ESYT3: variants seen among roughly 807,000 people sequenced by gnomAD.
ESYT3 encodes extended synaptotagmin 3, also known as extended synaptotagmin-3.
A neutral mutation model predicts 111.5 loss-of-function variants in ESYT3; 101 were observed. The ratio of observed to expected loss-of-function variants is 0.91; its 90% confidence interval spans 0.77 to 1.07. ESYT3 has a LOEUF of 1.07. ESYT3 is among the 50% of genes least tolerant of loss of function. ESYT3 has a pLI of 0.00. For synonymous variants in ESYT3, 416 were observed against 446.8 expected (o/e 0.93, Z 0.87); for missense variants, 1,097 against 1,109.4 (o/e 0.99, Z 0.16).
intron 2 of ESYT3, among the ~76,000 whole-genome samples, chr3:138,454,363 C>T (rs2032135766): frequency 2.6e-5 from 4 of 151,964 alleles, no homozygotes; most frequent in Admixed American, 2.6e-4. Context: ...CATGGTGAAA[C>T]CCTGTCTCTA....
intron 1 of ESYT3, among the ~76,000 whole-genome samples, chr3:138,450,313 C>T (rs769630120): frequency 1.3e-5 from 2 of 152,140 alleles, no homozygotes; most frequent in Non-Finnish European, 2.9e-5. Context: ...TCTTGCCTTC[C>T]ATTTGCCTGG....
chr3:138,446,573 GGTT>G (rs1217037796), intron 1 of ESYT3, among the ~76,000 whole-genome samples: 1 of 152,164 alleles, frequency 6.6e-6, no homozygotes, highest in Non-Finnish European at 1.5e-5. Context: ...AGACAAAGAA[GGTT>G]GTTATATGCT....
chr3:138,453,929 C>T (rs994823617), intron 2 of ESYT3, among the ~76,000 whole-genome samples: 2 of 152,222 alleles, frequency 1.3e-5, no homozygotes, highest in African/African-American at 2.4e-5. Flanking sequence ...TGAAACGATC[C>T]TCCTGCCTCA....
In ESYT3 at chr3:138,434,695, G is replaced by T; in HGVS notation, c.-104G>T. 9.5e-7 allele frequency: 1 copy of T among 1,054,614 alleles called. No individual in the cohort carries two copies. Among genetic ancestry groups the T allele is most frequent in the Non-Finnish European group, 1.3e-6 (1 of 758,922 alleles). The allele number at this position is 1,054,614 out of a possible 1,614,324, so 65.3% of individuals were successfully genotyped here. ...AGTCCCAGCAGGGCAAGGGGGCGCG[G>T]CGTCCTGGTCCTCGAGCTTGGGAGA... On this transcript the variant is annotated 5_prime_UTR_variant, in exon 1 of 23. Coordinates refer to ENST00000389567, the MANE Select transcript of ESYT3 (RefSeq NM_031913.5).
chr3:138,444,218 C>T (rs1017431314), intron 1 of ESYT3, among the ~76,000 whole-genome samples: 4 of 152,172 alleles, frequency 2.6e-5, no homozygotes, highest in Non-Finnish European at 4.4e-5. Context: ...TGGAATGCGT[C>T]GGCTCAAGTA....
At chr3:138,464,878 A>C (rs1463545633) in intron 9 of ESYT3, among the ~76,000 whole-genome samples, 1 of 152,190 alleles carries the variant, frequency 6.6e-6, no homozygotes, top group African/African-American at 2.4e-5. Context: ...GGTGGGACCC[A>C]CAGCCTGTTA....
Position 138,473,170 on chromosome 3 carries a change from AATGGCTGT to A in ESYT3, c.2237+312_2237+319del, listed in dbSNP as rs1224457409. Reference sequence around the variant, plus strand: ...GCTTAATATGTAGAATTATGTAATAAATGGCTGTCATTTATGAAGGGTTTACTATGGGC... The same window carrying A: ...GCTTAATATGTAGAATTATGTAATAACATTTATGAAGGGTTTACTATGGGC... On this transcript the variant is annotated intron_variant, in intron 18 of 22. Transcript: ENST00000389567. 4 of 1,268,860 alleles carry A rather than the reference AATGGCTGT, an allele frequency of 3.2e-6. No homozygotes were observed. The African/African-American group carries it at 4.5e-5, about 14-fold the overall frequency. 78.6% of individuals were successfully genotyped at this position (1,268,860 alleles called of 1,614,324 possible).
At chr3:138,451,259 A>T (rs550899450) in intron 1 of ESYT3, among the ~76,000 whole-genome samples, 1 of 152,236 alleles carries the variant, frequency 6.6e-6, no homozygotes, top group East Asian at 1.9e-4. Flanking sequence ...GTTGGAAGCT[A>T]TGTGACTATA....
chr3:138,474,483 T>G, intron 20 of ESYT3, 131 bp downstream of exon 20: 1 of 1,019,318 alleles, frequency 9.8e-7, no homozygotes, highest in Non-Finnish European at 1.4e-6. Context: ...AGTCTATGAC[T>G]TCATGAAGCT....
intron 1 of ESYT3, among the ~76,000 whole-genome samples, chr3:138,443,626 G>A (rs960402712): frequency 3.3e-5 from 5 of 152,152 alleles, no homozygotes; most frequent in Admixed American, 2.0e-4. Flanking sequence ...GAGCCATGAG[G>A]CTAATTTTAG....
At position 138,472,505 on chromosome 3, in the gene ESYT3, C is replaced by T. The variant is rs139504758; in HGVS notation, c.1883C>T (p.Pro628Leu). 24,269 of 1,614,208 alleles carry T rather than the reference C, an allele frequency of 0.015. 242 individuals are homozygous for T. The highest frequency in any genetic ancestry group is 0.018 in the Non-Finnish European group (21,255 of 1,180,034). The stretch of plus-strand genomic sequence containing the variant: ...CAGGAAGAAGGCCCTACAGATTTGC[C>T]ATGTCCCCCAGACCCTGCTTCTGAT... ...QPQEEGPTDL[P>L]CPPDPASDTK... The change falls in exon 18 of 23, where the codon CCA (proline) becomes CTA (leucine). Residue 628 changes from proline to leucine, a missense_variant. Physicochemically the swap from Pro to Leu is moderately conservative, Grantham distance 98. Transcript: ENST00000389567.
rs556350302 is a variant in ESYT3, at chr3:138,479,821, A to G, written c.*2967A>G. On this transcript the variant is annotated 3_prime_UTR_variant, in exon 23 of 23. Coordinates refer to ENST00000389567, the MANE Select transcript of ESYT3 (RefSeq NM_031913.5). ...CTTCCTTTCTTGTTCACTCTCCCTT[A>G]CCCCTGGGGGTAAGGATCTGCATCC... The G allele has an allele frequency of 1.3e-5, 2 of 152,080 alleles. No homozygotes were observed. Among genetic ancestry groups the G allele is most frequent in the African/African-American group, 4.8e-5 (2 of 41,460 alleles). 9.4% of individuals were successfully genotyped at this position (152,080 alleles called of 1,614,324 possible). A position where few individuals can be genotyped will look rare whatever the true frequency, so the allele number is the denominator to read the frequency against.
At chr3:138,442,078 T>G (rs1576420015) in intron 1 of ESYT3, among the ~76,000 whole-genome samples, 1 of 152,072 alleles carries the variant, frequency 6.6e-6, no homozygotes. Context: ...CATGTTGTAT[T>G]TACTTTTTAA....
chr3:138,457,774 C>T, intron 4 of ESYT3, 130 bp downstream of exon 4: 1 of 803,474 alleles, frequency 1.2e-6, no homozygotes, highest in Non-Finnish European at 2.1e-6. Context: ...CCCTCCCCTC[C>T]TCCCAGCTTC....
chr3:138,436,352 C>G (rs1018917593), intron 1 of ESYT3, among the ~76,000 whole-genome samples: 1 of 152,138 alleles, frequency 6.6e-6, no homozygotes, highest in Non-Finnish European at 1.5e-5. Context: ...GTCCTAATCT[C>G]TTCTTAGAAG....
downstream of ESYT3, chr3:138,480,702 A>G (rs956861274): frequency 2.6e-5 from 4 of 152,214 alleles, no homozygotes; most frequent in African/African-American, 9.7e-5. Context: ...TGGAAAACCC[A>G]ACAAATGCCA....
At position 138,459,583 on chromosome 3, in the gene ESYT3, G is replaced by GA. The variant is rs1255861219; in HGVS notation, c.648+334dup. ...AGAGACTGAGGTGGACCCAGGAGGTGAAAATAACTCTCGGCAGGAGTAGAA... is the reference window on the plus strand; with the variant it reads ...AGAGACTGAGGTGGACCCAGGAGGTGAAAAATAACTCTCGGCAGGAGTAGAA... On this transcript the variant is annotated intron_variant, in intron 5 of 22. Transcript: ENST00000389567. Among the ~76,000 whole-genome samples the GA allele has an allele frequency of 2.0e-5, 3 of 152,342 alleles. No homozygotes were observed. The East Asian group carries it at 5.8e-4, about 29-fold the overall frequency.
At position 138,462,135 on chromosome 3, in the gene ESYT3, C is replaced by A. The variant is rs1426349841; in HGVS notation, c.844C>A (p.Leu282Met). 2 of 1,614,204 alleles carry A rather than the reference C, an allele frequency of 1.2e-6. No homozygotes were observed. The highest frequency in any genetic ancestry group is 3.3e-5 in the Admixed American group (2 of 60,024). Residue 282 changes from leucine to methionine, a missense_variant, in exon 8 of 23, where the codon CTG becomes ATG. Physicochemically the swap from Leu to Met is conservative, Grantham distance 15 (BLOSUM62 2). Transcript: ENST00000389567. ...LEDLIATHLV[L>M]PNRVTVPVKK... ...GGACCTCATTGCCACCCACCTGGTG[C>A]TGCCCAACCGTGTGACTGTGCCTGT... is the stretch of plus-strand genomic sequence containing the variant.
chr3:138,442,502 G>C (rs1452969536), intron 1 of ESYT3, among the ~76,000 whole-genome samples: 1 of 152,134 alleles, frequency 6.6e-6, no homozygotes, highest in African/African-American at 2.4e-5. Context: ...TTCTCCCTCT[G>C]ATCTGTGCAT....
Sources: allele counts gnomAD v4.1 joint callset (sites outside exome capture counted in the v4.1 genomes callset), GRCh38; gene constraint gnomAD v4.1.1; transcripts MANE v1.5; gene names NCBI Gene and HGNC (gene_info 2026-07-23, HGNC 2026-07-21).